The following PXDNL variants were observed in gnomAD, a reference collection of about 807,000 sequenced individuals.
The protein encoded by PXDNL is peroxidasin like.
A neutral mutation model predicts 150.8 loss-of-function variants in PXDNL; 145 were observed. The observed-to-expected ratio is 0.96, with a 90% CI of 0.84 to 1.10. The LOEUF (loss-of-function observed/expected upper bound fraction) is 1.10. PXDNL is among the 50% of genes least tolerant of loss of function. PXDNL has a pLI of 0.00. For missense variants in PXDNL, 2,087 were observed against 1,873.9 expected, an observed-to-expected ratio of 1.11 and a Z score of -2.10; for synonymous variants, 757 against 725.7, an observed-to-expected ratio of 1.04 and a Z score of -0.69.
intron 2 of PXDNL, among the ~76,000 whole-genome samples, chr8:51,648,382 C>T (rs1814968129): frequency 6.6e-6 from 1 of 152,160 alleles, no homozygotes; most frequent in African/African-American, 2.4e-5. Context: ...TCTACAGACA[C>T]TGAATAGAAA....
chr8:51,354,391 A>T (rs1466871291), intron 19 of PXDNL, among the ~76,000 whole-genome samples: 3 of 152,104 alleles, frequency 2.0e-5, no homozygotes, highest in Admixed American at 1.3e-4. Context: ...AGGACTTGTG[A>T]ATGTTGTTTA....
intron 2 of PXDNL, among the ~76,000 whole-genome samples, chr8:51,608,280 T>TCG (rs1449871024): frequency 2.1e-5 from 3 of 144,636 alleles, no homozygotes; most frequent in Non-Finnish European, 3.0e-5. Flanking sequence ...TCCCAGCTAC[T>TCG]GTAGAGGCTG....
intron 4 of PXDNL, among the ~76,000 whole-genome samples, chr8:51,547,637 A>C (rs867183790): frequency 2.6e-5 from 4 of 152,202 alleles, no homozygotes; most frequent in Non-Finnish European, 4.4e-5. Context: ...TCCCTAGGGA[A>C]AAGGGGAGAA....
At chr8:51,444,568 G>A (rs6989713) in intron 12 of PXDNL, among the ~76,000 whole-genome samples, 29,884 of 152,028 alleles carry the variant, frequency 0.2, 3,705 homozygotes, top group African/African-American at 0.35. Context: ...GACACCTTAG[G>A]CAGAATAAGA....
At chr8:51,414,849 A>T (rs1170878536) in intron 14 of PXDNL, among the ~76,000 whole-genome samples, 48 of 152,354 alleles carry the variant, frequency 3.2e-4, no homozygotes, top group Non-Finnish European at 1.5e-5. Context: ...TCAAAAGTTA[A>T]TAAGGATATA....
intron 12 of PXDNL, among the ~76,000 whole-genome samples, chr8:51,441,089 G>C (rs1041448311): frequency 6.6e-6 from 1 of 152,154 alleles, no homozygotes; most frequent in Non-Finnish European, 1.5e-5. Flanking sequence ...GAATCATGGG[G>C]GTGGTTTCTG....
At chr8:51,408,015 C>A (rs1196505509) in intron 17 of PXDNL, 52 bp downstream of exon 17, 6 of 1,490,326 alleles carry the variant, frequency 4.0e-6, no homozygotes, top group Admixed American at 2.3e-5. Flanking sequence ...ACCTTTAACA[C>A]TTTTACCTCT....
At chr8:51,491,989 A>T (rs886640821) in intron 5 of PXDNL, among the ~76,000 whole-genome samples, 17 of 151,944 alleles carry the variant, frequency 1.1e-4, no homozygotes, top group Admixed American at 7.9e-4. Context: ...ATTCATGATC[A>T]CATGTCTCCA....
chr8:51,658,481 CGATCCTCTTTGGCTA>C (rs1424004289), intron 1 of PXDNL, among the ~76,000 whole-genome samples: 3 of 151,918 alleles, frequency 2.0e-5, no homozygotes, highest in African/African-American at 7.3e-5. Flanking sequence ...TGTTAGCACT[CGATCCTCTTTGGCTA>C]GTACATTCTG....
At chr8:51,431,135 C>T (rs994430174) in intron 12 of PXDNL, among the ~76,000 whole-genome samples, 2 of 152,144 alleles carry the variant, frequency 1.3e-5, no homozygotes, top group African/African-American at 4.8e-5. Context: ...AAAAATAACT[C>T]TTCTCTTAAA....
In PXDNL at chr8:51,578,972, A is replaced by G. The variant is rs572935501; in HGVS notation, c.308+13655T>C. ...AAAACTAACTCTATGTGGGTTGCAG[A>G]ATTAAATGTAAATATGTAAACTATA... On this transcript the variant is annotated intron_variant, in intron 3 of 22. Transcript: ENST00000356297. Among the ~76,000 whole-genome samples, 44 of 152,160 alleles carry G rather than the reference A, an allele frequency of 2.9e-4. 1 individual carries two copies. In the South Asian group the frequency reaches 8.7e-3, roughly 30 times the overall value.
intron 1 of PXDNL, among the ~76,000 whole-genome samples, chr8:51,670,915 G>A (rs965450153): frequency 1.3e-5 from 2 of 152,094 alleles, no homozygotes; most frequent in Non-Finnish European, 2.9e-5. Context: ...AATTCTTACC[G>A]ATATCTTTTC....
chr8:51,770,479 T>C (rs1021385362), intron 1 of PXDNL, among the ~76,000 whole-genome samples: 4 of 152,312 alleles, frequency 2.6e-5, no homozygotes, highest in African/African-American at 9.6e-5. Flanking sequence ...AGTTTTTTCC[T>C]CCGGTTTTTT....
In PXDNL at chr8:51,408,896, G is replaced by A; in HGVS notation, c.2728C>T (p.Leu910Phe). The A allele has an allele frequency of 6.2e-7, 1 of 1,607,730 alleles. No homozygotes were observed. Among genetic ancestry groups the A allele is most frequent in the Non-Finnish European group, 8.5e-7 (1 of 1,177,264 alleles). ...CCCCGAGGCACCGAAGGGTCTCTGA[G>A]AGCCTGGGATTCCCGCTCCGAGCTC... ...YGSSERESQA[L>F]RDPSVPRGLL... Residue 910 changes from leucine to phenylalanine, a missense_variant, in exon 17 of 23, where the codon CTC (leucine) becomes TTC (phenylalanine). Leu to Phe is a conservative substitution (Grantham distance 22). Coordinates refer to ENST00000356297, the MANE Select transcript of PXDNL (RefSeq NM_144651.5).
chr8:51,602,694 T>C (rs1813748715), intron 2 of PXDNL, among the ~76,000 whole-genome samples: 1 of 151,678 alleles, frequency 6.6e-6, no homozygotes, highest in South Asian at 2.1e-4. Context: ...TGTCTCATAT[T>C]TTCACTTTGT....
intron 2 of PXDNL, among the ~76,000 whole-genome samples, chr8:51,651,536 T>C (rs1174241806): frequency 2.0e-5 from 3 of 152,182 alleles, no homozygotes; most frequent in Non-Finnish European, 4.4e-5. Flanking sequence ...TCAAGGTTCT[T>C]TTCATCTTGC....
chr8:51,387,096 A>G (rs1586059758), intron 17 of PXDNL, among the ~76,000 whole-genome samples: 1 of 152,198 alleles, frequency 6.6e-6, no homozygotes, highest in Admixed American at 6.5e-5. Context: ...CATTCAGCAA[A>G]GGAAGCCTAT....
chr8:51,387,503 T>C (rs1317690318), intron 17 of PXDNL, among the ~76,000 whole-genome samples: 2 of 152,180 alleles, frequency 1.3e-5, no homozygotes, highest in Non-Finnish European at 2.9e-5. Flanking sequence ...TTTAGTAGTG[T>C]TTGTCACAGA....
Position 51,446,997 on chromosome 8 carries a change from A to G in PXDNL, c.1525+7T>C, listed in dbSNP as rs778726939. On this transcript the variant is annotated splice_region_variant and intron_variant, in intron 12 of 22. Transcript: ENST00000356297. ...AGAATGTGAATATGAATCACAGTAT[A>G]TATTACCTTTGGGTTTTACAGTCAG... 1 of 1,613,722 alleles carries G rather than the reference A, an allele frequency of 6.2e-7. No individual in the cohort carries two copies. The highest frequency in any genetic ancestry group is 2.2e-5 in the East Asian group (1 of 44,878).
Sources: allele counts gnomAD v4.1 joint callset (sites outside exome capture counted in the v4.1 genomes callset), GRCh38; gene constraint gnomAD v4.1.1; transcripts MANE v1.5; gene names NCBI Gene and HGNC (gene_info 2026-07-23, HGNC 2026-07-21).